Variants in ITGB3 observed in about 807,000 individuals in gnomAD.
The protein encoded by ITGB3 is integrin subunit beta 3, also known as integrin beta-3.
In ITGB3, 48 loss-of-function variants were observed where a neutral mutation model predicts 85.8. The ratio of observed to expected loss-of-function variants is 0.56; its 90% CI spans 0.44 to 0.71. The LOEUF (loss-of-function observed/expected upper bound fraction) is 0.71. ITGB3 is among the 30% of genes least tolerant of loss of function. The pLI, the probability that ITGB3 is intolerant of heterozygous loss-of-function variation, is 0.00. For synonymous variants in ITGB3, 363 were observed against 395.6 expected, an observed-to-expected ratio of 0.92 and a Z score of 0.98; for missense variants, 861 against 1,019.1, an observed-to-expected ratio of 0.84 and a Z score of 2.11.
chr17:47,283,224 C>A, intron 2 of ITGB3, 130 bp from the exon 3 acceptor site: 1 of 915,708 alleles, frequency 1.1e-6, no homozygotes, highest in Non-Finnish European at 1.7e-6. Flanking sequence ...CAGGAAAGAC[C>A]ACAACAATTT....
chr17:47,292,516 C>T lies in ITGB3; in HGVS notation c.1638C>T (p.Tyr546=). 1.9e-6 allele frequency: 3 copies of T among 1,606,228 alleles called. No individual in the cohort carries two copies. The highest frequency in any genetic ancestry group is 1.7e-4 in the Middle Eastern group (1 of 6,060). ...SSDFGKITGK[Y]CECDDFSCVR... ...ACTTTGGCAAGATCACGGGCAAGTACTGCGAGTGTGACGACTTCTCCTGTG... is the reference window on the plus strand; with the variant it reads ...ACTTTGGCAAGATCACGGGCAAGTATTGCGAGTGTGACGACTTCTCCTGTG... The change falls in exon 10 of 15, where the codon TAC becomes TAT. Residue 546 remains tyrosine (Y), a synonymous_variant. Transcript: ENST00000559488.
At position 47,274,450 on chromosome 17, in the gene ITGB3, C is replaced by A. The variant is rs753146344; in HGVS notation, c.111C>A (p.Ser37Arg). 39 of 1,613,612 alleles carry A rather than the reference C, an allele frequency of 2.4e-5. No homozygotes were observed. Among genetic ancestry groups the A allele is most frequent in the Non-Finnish European group, 3.1e-5 (36 of 1,179,980 alleles). ...GPNICTTRGV[S>R]SCQQCLAVSP... ...ACATCTGTACCACGCGAGGTGTGAG[C>A]TCCTGCCAGCAGTGCCTGGCTGTGA... Residue 37 changes from serine to arginine, a missense_variant, in exon 2 of 15, where the codon AGC (serine) becomes AGA (arginine). Ser to Arg is a moderately radical substitution (Grantham distance 110, BLOSUM62 -1). Transcript: ENST00000559488.
At chr17:47,288,206 A>AAGAGAGAGAG (rs200536313) in intron 6 of ITGB3, among the ~76,000 whole-genome samples, 3,487 of 134,658 alleles carry the variant, frequency 0.026, 41 homozygotes, top group Middle Eastern at 0.076. Flanking sequence ...TTCTCTTAGA[A>AAGAGAGAGAG]AGAGAGAGAG....
intron 1 of ITGB3, among the ~76,000 whole-genome samples, chr17:47,261,606 G>A (rs1354187975): frequency 1.4e-5 from 2 of 145,584 alleles, no homozygotes; most frequent in African/African-American, 2.6e-5. Context: ...TGCAACCTCC[G>A]CCTCCTGGGT....
intron 1 of ITGB3, among the ~76,000 whole-genome samples, chr17:47,254,149 A>T (rs887394314): frequency 2.0e-5 from 3 of 152,042 alleles, no homozygotes; most frequent in African/African-American, 7.2e-5. Flanking sequence ...GGTGCCTGGG[A>T]GCGGGTCCTC....
intron 2 of ITGB3, among the ~76,000 whole-genome samples, chr17:47,280,452 G>A (rs2065079971): frequency 6.6e-6 from 1 of 152,176 alleles, no homozygotes; most frequent in Non-Finnish European, 1.5e-5. Context: ...CGCCTCCCTG[G>A]CTCAAGTGAT....
rs1002099532 is a variant in ITGB3, at chr17:47,289,880, C to T, written c.1035+104C>T. 13 of 846,200 alleles carry T rather than the reference C, an allele frequency of 1.5e-5. No homozygotes were observed. In the African/African-American group the frequency reaches 2.2e-4, roughly 14 times the overall value. The allele number at this position is 846,200 out of a possible 1,614,324, so 52.4% of individuals were successfully genotyped here. On this transcript the variant is annotated intron_variant, in intron 7 of 14. Coordinates refer to ENST00000559488, the MANE Select transcript of ITGB3 (RefSeq NM_000212.3). The stretch of plus-strand genomic sequence containing the variant: ...ATACAGTCCCCAATCAGGAAAGAGT[C>T]TCCCCTAATCCACTCCCCAGGAGCT...
chr17:47,292,959 T>A (rs1267709772), intron 10 of ITGB3, among the ~76,000 whole-genome samples: 1 of 152,250 alleles, frequency 6.6e-6, no homozygotes, highest in Non-Finnish European at 1.5e-5. Flanking sequence ...ATTTTGTTAA[T>A]CACTGTTACT....
At chr17:47,283,645 G>A (rs2065092104) in intron 3 of ITGB3, 96 bp downstream of exon 3, 3 of 1,181,492 alleles carry the variant, frequency 2.5e-6, no homozygotes, top group Non-Finnish European at 2.5e-6. Context: ...AAGTAGCTCA[G>A]AATGGAAATG....
In ITGB3 at chr17:47,312,947, C is replaced by T. The variant is rs953184130; in HGVS notation, c.*2743C>T. ...TGCCATATTAGGAGTCAGTTCTTTA[C>T]TTCTCTGAGATTCCCAGGTCATCCA... On this transcript the variant is annotated 3_prime_UTR_variant, in exon 15 of 15. Transcript: ENST00000559488. 6.6e-5 allele frequency among the ~76,000 whole-genome samples: 10 copies of T among 152,126 alleles called. No homozygotes were observed. Among genetic ancestry groups the T allele is most frequent in the African/African-American group, 2.4e-4 (10 of 41,442 alleles).
chr17:47,259,093 A>G lies in ITGB3; in HGVS notation c.79+5153A>G, dbSNP rs934815779. 3.9e-5 allele frequency among the ~76,000 whole-genome samples: 6 copies of G among 152,236 alleles called. No homozygotes were observed. In the East Asian group the frequency reaches 9.6e-4, roughly 24 times the overall value. On this transcript the variant is annotated intron_variant, in intron 1 of 14. Coordinates refer to ENST00000559488, the MANE Select transcript of ITGB3 (RefSeq NM_000212.3). ...ATTGGATAGATGTATTTAGCTATATATAAGTCATTAGATTTTCCATGTGCT... is the reference window on the plus strand; with the variant it reads ...ATTGGATAGATGTATTTAGCTATATGTAAGTCATTAGATTTTCCATGTGCT...
chr17:47,288,659 T>C (rs1014296961), intron 6 of ITGB3, among the ~76,000 whole-genome samples: 1 of 152,162 alleles, frequency 6.6e-6, no homozygotes, highest in Admixed American at 6.5e-5. Context: ...CACAGTGTCC[T>C]TGAGTTCCTT....
chr17:47,277,129 G>C (rs1041490536), intron 2 of ITGB3, among the ~76,000 whole-genome samples: 1 of 152,084 alleles, frequency 6.6e-6, no homozygotes. Flanking sequence ...ATACCGACGC[G>C]GGTTGGGTTG....
chr17:47,313,226 G>A lies in ITGB3; in HGVS notation c.*3022G>A, dbSNP rs888942424. Among the ~76,000 whole-genome samples the A allele has an allele frequency of 2.0e-5, 3 of 151,842 alleles. No individual in the cohort carries two copies. Among genetic ancestry groups the A allele is most frequent in the Non-Finnish European group, 2.9e-5 (2 of 67,974 alleles). The stretch of plus-strand genomic sequence containing the variant: ...TGACCTTAGGCGATCCACCTTCCTC[G>A]GCCTCCCACAGTGCTGGGATTACAA... On this transcript the variant is annotated 3_prime_UTR_variant, in exon 15 of 15. Coordinates refer to ENST00000559488, the MANE Select transcript of ITGB3 (RefSeq NM_000212.3).
rs146620003 is a variant in ITGB3, at chr17:47,260,619, C to T, written c.79+6679C>T. On this transcript the variant is annotated intron_variant, in intron 1 of 14. Coordinates refer to ENST00000559488, the MANE Select transcript of ITGB3 (RefSeq NM_000212.3). ...CCAGACCCCAACTTTAGCCATCGCA[C>T]GTGTTGAACTCCAGGTTGAGCCTTT... is the stretch of plus-strand genomic sequence containing the variant. Among the ~76,000 whole-genome samples the T allele has an allele frequency of 8.7e-3, 1,328 of 152,232 alleles. 16 individuals are homozygous for T. Among genetic ancestry groups the T allele is most frequent in the African/African-American group, 0.029 (1,212 of 41,526 alleles).
At chr17:47,289,029 G>A (rs2065115054) in intron 6 of ITGB3, among the ~76,000 whole-genome samples, 1 of 152,186 alleles carries the variant, frequency 6.6e-6, no homozygotes, top group Non-Finnish European at 1.5e-5. Flanking sequence ...GTGGGAGACA[G>A]TGGGCCAGAT....
At chr17:47,302,675 C>G (rs752953144) in intron 12 of ITGB3, 46 bp from the exon 13 acceptor site, 2 of 1,612,702 alleles carry the variant, frequency 1.2e-6, no homozygotes, top group South Asian at 1.1e-5. Context: ...GTCCCATCTT[C>G]CAGTAGTTGT....
At chr17:47,309,706 C>T (rs1348993007) in intron 14 of ITGB3, among the ~76,000 whole-genome samples, 1 of 151,686 alleles carries the variant, frequency 6.6e-6, no homozygotes, top group Non-Finnish European at 1.5e-5. Flanking sequence ...CCAGCCTGGG[C>T]AACATGAAGA....
At chr17:47,290,313 C>T in intron 8 of ITGB3, 39 bp downstream of exon 8, 2 of 1,553,276 alleles carry the variant, frequency 1.3e-6, no homozygotes, top group Non-Finnish European at 1.8e-6. Context: ...GCGGAGAGTC[C>T]ACCTCATTTG....
Sources: gnomAD v4.1 joint callset for allele counts (sites outside exome capture counted in the v4.1 genomes callset) on GRCh38, gnomAD v4.1.1 for gene constraint, MANE v1.5 for transcripts, NCBI Gene and HGNC (gene_info 2026-07-23, HGNC 2026-07-21) for gene names.